PRDM11: variants seen among roughly 807,000 people sequenced by gnomAD.
PRDM11 encodes PR domain-containing protein 11.
A neutral mutation model predicts 97.8 loss-of-function variants in PRDM11; 20 were observed. That is an observed-to-expected ratio of 0.20 (90% CI 0.14 to 0.30). PRDM11 has a LOEUF of 0.30. PRDM11 is among the 10% of genes least tolerant of loss of function. PRDM11 has a pLI of 1.00. For missense variants in PRDM11, 1,139 were observed against 1,555.2 expected, an observed-to-expected ratio of 0.73 and a Z score of 4.50; for synonymous variants, 599 against 637.7, an observed-to-expected ratio of 0.94 and a Z score of 0.91.
At chr11:45,147,006 G>A (rs954491513) in intron 1 of PRDM11, 129 bp downstream of exon 1, 1 of 145,574 alleles carries the variant, frequency 6.9e-6, no homozygotes, top group Non-Finnish European at 1.5e-5. Flanking sequence ...GGGCGGCCGG[G>A]GGTCTCGGCG....
At chr11:45,209,311 C>T (rs3781705) in intron 5 of PRDM11, 2 of 353,628 alleles carry the variant, frequency 5.7e-6, no homozygotes, top group East Asian at 7.7e-5. Flanking sequence ...TATCACCAGT[C>T]CCCCCCGCCA....
chr11:45,210,162 C>T (rs1184901550), intron 5 of PRDM11, among the ~76,000 whole-genome samples: 4 of 152,146 alleles, frequency 2.6e-5, no homozygotes. Context: ...CTGCTTTGTT[C>T]CTCTATTATT....
intron 1 of PRDM11, among the ~76,000 whole-genome samples, chr11:45,139,566 C>G (rs1299443822): frequency 4.1e-5 from 1 of 24,574 alleles, no homozygotes; most frequent in African/African-American, 1.8e-4. Flanking sequence ...GACTCCAACT[C>G]ACAAAAAAAA....
chr11:45,155,540 G>A (rs1851772903), intron 1 of PRDM11, among the ~76,000 whole-genome samples: 6 of 152,106 alleles, frequency 3.9e-5, no homozygotes, highest in Admixed American at 3.9e-4. Flanking sequence ...ATTTTCCCAG[G>A]GGCCAGGGGT....
At chr11:45,170,840 C>T (rs1852185987) in intron 1 of PRDM11, among the ~76,000 whole-genome samples, 1 of 152,090 alleles carries the variant, frequency 6.6e-6, no homozygotes. Flanking sequence ...TGGCTTAGAG[C>T]AGGGTGGCAG....
intron 1 of PRDM11, among the ~76,000 whole-genome samples, chr11:45,103,937 C>T (rs1852020686): frequency 6.6e-6 from 1 of 152,140 alleles, no homozygotes. Flanking sequence ...GTTATCCCTG[C>T]TGTCACTCAG....
chr11:45,095,949 C>T (rs1565215525), intron 1 of PRDM11: 1 of 768,304 alleles, frequency 1.3e-6, no homozygotes, highest in Non-Finnish European at 2.4e-6. Flanking sequence ...AACGCTTGCA[C>T]TTGCTACTAC....
At chr11:45,101,193 AGGGGGT>A (rs1267135612) in intron 1 of PRDM11, among the ~76,000 whole-genome samples, 1 of 152,058 alleles carries the variant, frequency 6.6e-6, no homozygotes, top group East Asian at 1.9e-4. Context: ...CCAGTTAGGG[AGGGGGT>A]GCTGTCAGGC....
intron 1 of PRDM11, among the ~76,000 whole-genome samples, chr11:45,161,395 G>A (rs1370077365): frequency 4.6e-5 from 7 of 152,168 alleles, no homozygotes; most frequent in African/African-American, 7.2e-5. Context: ...GGAATGCAGC[G>A]GGCAATCGGA....
At chr11:45,221,833 C>T (rs1352671290) in intron 6 of PRDM11, among the ~76,000 whole-genome samples, 1 of 152,218 alleles carries the variant, frequency 6.6e-6, no homozygotes, top group Non-Finnish European at 1.5e-5. Flanking sequence ...TCATGGAGCT[C>T]AGTGGCTTTT....
At chr11:45,147,435 C>T (rs1851549050) in intron 1 of PRDM11, 1 of 152,236 alleles carries the variant, frequency 6.6e-6, no homozygotes, top group Admixed American at 6.5e-5. Context: ...GCGACGAAGC[C>T]TTCTCCATCG....
At chr11:45,209,883 G>A (rs1448799662) in intron 5 of PRDM11, among the ~76,000 whole-genome samples, 1 of 152,236 alleles carries the variant, frequency 6.6e-6, no homozygotes, top group East Asian at 1.9e-4. Flanking sequence ...CCCTGAAGAA[G>A]TCCAGCGGAC....
At position 45,227,045 on chromosome 11, in the gene PRDM11, C is replaced by A; in HGVS notation, c.2420C>A (p.Ser807Tyr). ...YSPRLMCELR[S>Y]TAATLCEETE... ...CCGCGCCTCATGTGCGAGCTGCGGTCCACGGCGGCCACCCTTTGTGAGGAG... is the reference window on the plus strand; with the variant it reads ...CCGCGCCTCATGTGCGAGCTGCGGTACACGGCGGCCACCCTTTGTGAGGAG... Residue 807 changes from serine to tyrosine, a missense_variant, in exon 8 of 8, where the codon TCC becomes TAC. Coordinates refer to ENST00000683152, the MANE Select transcript of PRDM11 (RefSeq NM_001384648.1). This position sits in a 1 kb window ranked among gnomAD's most constrained non-coding sequence, Gnocchi z 8.0. 1 of 1,533,942 alleles carries A rather than the reference C, an allele frequency of 6.5e-7. No homozygotes were observed. Among genetic ancestry groups the A allele is most frequent in the Non-Finnish European group, 8.7e-7 (1 of 1,146,734 alleles).
At chr11:45,131,017 G>A (rs1037109685) in intron 1 of PRDM11, among the ~76,000 whole-genome samples, 1 of 152,158 alleles carries the variant, frequency 6.6e-6, no homozygotes, top group Non-Finnish European at 1.5e-5. Flanking sequence ...TCCATCAACA[G>A]TAAAATGGAT....
intron 5 of PRDM11, 109 bp downstream of exon 5, chr11:45,204,887 T>C (rs1853452685): frequency 8.3e-7 from 1 of 1,208,278 alleles, no homozygotes; most frequent in Non-Finnish European, 1.2e-6. Context: ...TTCTGGAGGC[T>C]GCCGTTTGCA....
chr11:45,167,759 CCACACACACACACACACACA>C (rs34333065), intron 1 of PRDM11, among the ~76,000 whole-genome samples: 26 of 143,218 alleles, frequency 1.8e-4, no homozygotes, highest in Middle Eastern at 3.3e-3. Context: ...TCATTTCACA[CCACACACACACACACACACA>C]CACACACACA....
At chr11:45,214,730 C>T (rs1853906412) in intron 5 of PRDM11, 4 of 152,222 alleles carry the variant, frequency 2.6e-5, no homozygotes, top group Non-Finnish European at 5.9e-5. Flanking sequence ...AAATCAATCT[C>T]ACTCTTTGAA....
intron 1 of PRDM11, among the ~76,000 whole-genome samples, chr11:45,126,832 G>C (rs7952433): frequency 6.6e-6 from 1 of 151,742 alleles, no homozygotes; most frequent in African/African-American, 2.4e-5. Context: ...TGCTCTTCTC[G>C]AGGAGTATCT....
intron 1 of PRDM11, among the ~76,000 whole-genome samples, chr11:45,180,590 C>G (rs919043116): frequency 4.6e-5 from 7 of 151,602 alleles, no homozygotes; most frequent in East Asian, 1.9e-4. Flanking sequence ...TGCGCGCCCC[C>G]CTCCCGGCCG....
Sources: gnomAD v4.1 joint callset for allele counts (sites outside exome capture counted in the v4.1 genomes callset) on GRCh38, gnomAD v4.1.1 for gene constraint, Gnocchi (gnomAD v3.1) non-coding constraint, MANE v1.5 for transcripts, NCBI Gene and HGNC (gene_info 2026-07-23, HGNC 2026-07-21) for gene names.